SVBP: variants seen among roughly 807,000 people sequenced by gnomAD.
SVBP encodes the protein small vasohibin binding protein.
A neutral mutation model predicts 9.2 loss-of-function variants in SVBP; 9 were observed. That is an observed-to-expected ratio of 0.98 (90% confidence interval 0.59 to 1.71). The LOEUF (loss-of-function observed/expected upper bound fraction) is 1.71. SVBP is among the 40% of genes most tolerant of loss of function. The pLI, the probability that SVBP is intolerant of heterozygous loss-of-function variation, is 0.00. For missense variants in SVBP, 63 were observed against 73.2 expected (o/e 0.86, Z 0.51); for synonymous variants, 27 against 23.9 (o/e 1.13, Z -0.37).
At chr1:42,813,158 TA>T (rs1357501319) in intron 2 of SVBP, among the ~76,000 whole-genome samples, 1 of 152,138 alleles carries the variant, frequency 6.6e-6, no homozygotes, top group Admixed American at 6.5e-5. Context: ...GAATGAGGAG[TA>T]TTTTTTTTCT....
At chr1:42,811,839 C>T (rs956091362) in intron 2 of SVBP, among the ~76,000 whole-genome samples, 1 of 152,028 alleles carries the variant, frequency 6.6e-6, no homozygotes, top group African/African-American at 2.4e-5. Flanking sequence ...TAGAACTTTA[C>T]AGAAGGGTGT....
At chr1:42,810,577 G>A (rs549159754) in intron 2 of SVBP, among the ~76,000 whole-genome samples, 18 of 152,276 alleles carry the variant, frequency 1.2e-4, no homozygotes, top group African/African-American at 3.9e-4. Flanking sequence ...GAGACCTCCA[G>A]ATCAAGGAGG....
At chr1:42,811,495 C>T (rs996014995) in intron 2 of SVBP, among the ~76,000 whole-genome samples, 1 of 152,158 alleles carries the variant, frequency 6.6e-6, no homozygotes, top group Non-Finnish European at 1.5e-5. Context: ...AGCAACGTTG[C>T]ATTTCAGCAG....
rs1466372020 is a variant in SVBP, at chr1:42,807,367, C to T, written c.*47G>A. The T allele has an allele frequency of 7.0e-7, 1 of 1,424,306 alleles. No individual in the cohort carries two copies. Among genetic ancestry groups the T allele is most frequent in the Admixed American group, 1.7e-5 (1 of 59,426 alleles). 88.2% of individuals were successfully genotyped at this position (1,424,306 alleles called of 1,614,324 possible). ...GGCCATCTCAGCTTAAAACTGGCAA[C>T]ACCCTCTCAAAGCTCTCAGGATCCC... On this transcript the variant is annotated 3_prime_UTR_variant, in exon 3 of 3. Coordinates refer to ENST00000372521, the MANE Select transcript of SVBP (RefSeq NM_199342.4).
chr1:42,811,999 G>GT (rs1236186730), intron 2 of SVBP, among the ~76,000 whole-genome samples: 1 of 149,726 alleles, frequency 6.7e-6, no homozygotes, highest in Non-Finnish European at 1.5e-5. Flanking sequence ...CCAAATTAAT[G>GT]TTTTAACAAG....
At chr1:42,810,869 G>A (rs1208932948) in intron 2 of SVBP, among the ~76,000 whole-genome samples, 1 of 152,170 alleles carries the variant, frequency 6.6e-6, no homozygotes, top group African/African-American at 2.4e-5. Context: ...GATAGGCGCG[G>A]CGGCTCACAT....
chr1:42,817,079 C>G (rs1207402332), intron 1 of SVBP, 111 bp downstream of exon 1: 1 of 645,416 alleles, frequency 1.5e-6, no homozygotes, highest in Non-Finnish European at 2.0e-6. Flanking sequence ...CCCGACCCCG[C>G]CCCGGCCCGC....
At chr1:42,816,057 C>T (rs17381767) in intron 2 of SVBP, among the ~76,000 whole-genome samples, 14,815 of 152,278 alleles carry the variant, frequency 0.097, 967 homozygotes, top group Non-Finnish European at 0.14. Flanking sequence ...TGGGCCTCTA[C>T]CTGGCATGAG....
intron 1 of SVBP, 36 bp from the exon 2 acceptor site, chr1:42,816,616 A>T: frequency 9.5e-7 from 1 of 1,054,756 alleles, no homozygotes; most frequent in Non-Finnish European, 1.5e-6. Flanking sequence ...CTTCAAAACA[A>T]AACAAAACAA....
chr1:42,807,168 TTAA>T lies in SVBP; in HGVS notation c.*243_*245del. ...TTTTGTGTGTGTTTTTTTTTTTTTT[TTAA>T]AAAAACCCAAAAAACAAAACCACTG... On this transcript the variant is annotated 3_prime_UTR_variant, in exon 3 of 3. Transcript: ENST00000372521. 1.4e-5 allele frequency: 4 copies of T among 296,002 alleles called. No individual in the cohort carries two copies. The highest frequency in any genetic ancestry group is 2.5e-5 in the Non-Finnish European group (4 of 162,090). The allele number at this position is 296,002 out of a possible 1,614,324, so 18.3% of individuals were successfully genotyped here. A position where few individuals can be genotyped will look rare whatever the true frequency, so the allele number is the denominator to read the frequency against.
At chr1:42,813,175 T>G (rs1437932955) in intron 2 of SVBP, among the ~76,000 whole-genome samples, 4 of 152,218 alleles carry the variant, frequency 2.6e-5, no homozygotes, top group Non-Finnish European at 5.9e-5. Flanking sequence ...TTTCTACTGA[T>G]GAAAATTATT....
Position 42,817,360 on chromosome 1 carries a change from G to A in SVBP, c.-207C>T, listed in dbSNP as rs1203622458. 6 of 701,006 alleles carry A rather than the reference G, an allele frequency of 8.6e-6. No homozygotes were observed. In the East Asian group the frequency reaches 7.6e-4, roughly 88 times the overall value. 43.4% of individuals were successfully genotyped at this position (701,006 alleles called of 1,614,324 possible). ...GGGAGGGGCGCAGGGCCGAGCGCCA[G>A]GAGGCTTCCGCCCGCAGGAGCGGCC... On this transcript the variant is annotated 5_prime_UTR_variant, in exon 1 of 3. Coordinates refer to ENST00000372521, the MANE Select transcript of SVBP (RefSeq NM_199342.4).
chr1:42,810,973 C>G (rs1654070481), intron 2 of SVBP, among the ~76,000 whole-genome samples: 1 of 152,074 alleles, frequency 6.6e-6, no homozygotes, highest in African/African-American at 2.4e-5. Context: ...AAGTCCATCT[C>G]TACTAAAAAT....
At chr1:42,816,940 G>C (rs537403006) in intron 1 of SVBP, 87 of 164,064 alleles carry the variant, frequency 5.3e-4, no homozygotes, top group African/African-American at 1.7e-3. Context: ...GTCCTAATGG[G>C]ACGCTGAGAC....
chr1:42,814,888 AAAC>A lies in SVBP; in HGVS notation c.114+1540_114+1542del, dbSNP rs1370545964. Among the ~76,000 whole-genome samples, 157 of 152,300 alleles carry A rather than the reference AAAC, an allele frequency of 1.0e-3. 1 individual carries two copies. Among genetic ancestry groups the A allele is most frequent in the Middle Eastern group, 6.8e-3 (2 of 294 alleles). On this transcript the variant is annotated intron_variant, in intron 2 of 2. Transcript: ENST00000372521. The stretch of plus-strand genomic sequence containing the variant: ...ACTGGGTATATACCCAAAGGATTAT[AAAC>A]CATGCTGCTATAAAGACACATGCAC...
intron 2 of SVBP, among the ~76,000 whole-genome samples, chr1:42,810,767 G>C (rs1203748747): frequency 6.6e-6 from 1 of 152,068 alleles, no homozygotes; most frequent in Non-Finnish European, 1.5e-5. Context: ...CTGGAATCTG[G>C]CGTCTGCAGA....
At chr1:42,814,120 G>A (rs1236736278) in intron 2 of SVBP, among the ~76,000 whole-genome samples, 56 of 148,142 alleles carry the variant, frequency 3.8e-4, no homozygotes, top group Non-Finnish European at 7.4e-4. Flanking sequence ...ACAGAGTCTA[G>A]CTCTGTCGCC....
chr1:42,816,131 C>T (rs190973512), intron 2 of SVBP: 617 of 312,072 alleles, frequency 2.0e-3, no homozygotes, highest in Admixed American at 4.0e-3. Context: ...TGCGTGCTCT[C>T]TCTCATTCTG....
At chr1:42,815,989 T>G (rs1654195035) in intron 2 of SVBP, among the ~76,000 whole-genome samples, 1 of 152,214 alleles carries the variant, frequency 6.6e-6, no homozygotes, top group Non-Finnish European at 1.5e-5. Context: ...AGCTTTTTAT[T>G]CTCAAGTTGA....
Sources: gnomAD v4.1 joint callset for allele counts (sites outside exome capture counted in the v4.1 genomes callset) on GRCh38, gnomAD v4.1.1 for gene constraint, MANE v1.5 for transcripts, NCBI Gene and HGNC (gene_info 2026-07-23, HGNC 2026-07-21) for gene names.